The following RANBP17 variants were observed in gnomAD, a reference collection of about 807,000 sequenced individuals.
RANBP17 encodes the protein RAN binding protein 17, also known as ran-binding protein 17.
Under a neutral mutation model 141.2 loss-of-function variants are expected in RANBP17, and 158 were observed. The observed-to-expected ratio is 1.12, with a 90% CI of 0.98 to 1.28. RANBP17 has a LOEUF of 1.28. Ranked by LOEUF, RANBP17 falls within the 50% of genes most tolerant of loss-of-function variation. The probability of loss-of-function intolerance (pLI) is 0.00; values close to 1 mark genes in which losing one functional copy is unlikely to be tolerated. For synonymous variants in RANBP17, 430 were observed against 450.0 expected (o/e 0.96, Z 0.56); for missense variants, 1,438 against 1,290.7 (o/e 1.11, Z -1.75).
chr5:171,119,179 T>A (rs955929083), intron 14 of RANBP17, among the ~76,000 whole-genome samples: 3 of 152,216 alleles, frequency 2.0e-5, no homozygotes, highest in African/African-American at 7.2e-5. Flanking sequence ...ACATATCTCA[T>A]TTGTTGATTT....
intron 14 of RANBP17, among the ~76,000 whole-genome samples, chr5:170,998,056 C>G (rs4868054): frequency 0.62 from 94,003 of 150,814 alleles, 30,357 homozygotes; most frequent in South Asian, 0.88. Context: ...TTGAGACCAG[C>G]CTGGCTAACA....
chr5:170,871,602 A>G (rs1223243599), intron 1 of RANBP17, among the ~76,000 whole-genome samples: 3 of 152,276 alleles, frequency 2.0e-5, no homozygotes, highest in South Asian at 2.1e-4. Context: ...GCCCATGCCT[A>G]TGTTCTGAAT....
At chr5:170,935,676 G>A (rs191558920) in intron 12 of RANBP17, among the ~76,000 whole-genome samples, 12 of 152,176 alleles carry the variant, frequency 7.9e-5, no homozygotes, top group East Asian at 3.9e-4. Context: ...GAGGGGCACC[G>A]GGCCTTATGA....
At chr5:170,862,231 C>T (rs1306267512) in intron 1 of RANBP17, among the ~76,000 whole-genome samples, 180 bp downstream of exon 1, 7 of 152,186 alleles carry the variant, frequency 4.6e-5, no homozygotes, top group Non-Finnish European at 1.0e-4. Flanking sequence ...CTGGGCTGCA[C>T]ACCCCAGGCC....
chr5:171,069,195 T>C (rs1016423771), intron 14 of RANBP17, among the ~76,000 whole-genome samples: 1 of 152,170 alleles, frequency 6.6e-6, no homozygotes, highest in Admixed American at 6.6e-5. Flanking sequence ...TGCTGGCCAG[T>C]CATTGAACCA....
chr5:171,268,326 T>A (rs1366712057), intron 25 of RANBP17, among the ~76,000 whole-genome samples: 1 of 152,108 alleles, frequency 6.6e-6, no homozygotes, highest in East Asian at 1.9e-4. Context: ...GAAAAATGGA[T>A]ATCAGCATCC....
chr5:171,250,793 G>A (rs1765508107), intron 24 of RANBP17, among the ~76,000 whole-genome samples: 1 of 152,124 alleles, frequency 6.6e-6, no homozygotes, highest in Non-Finnish European at 1.5e-5. Flanking sequence ...AGAGACTATA[G>A]CAGTTCTAAA....
At chr5:170,962,731 A>G (rs1036478929) in intron 13 of RANBP17, among the ~76,000 whole-genome samples, 13 of 152,208 alleles carry the variant, frequency 8.5e-5, no homozygotes, top group African/African-American at 3.1e-4. Flanking sequence ...TAATAATCTA[A>G]TTCTTAAATC....
Position 170,953,611 on chromosome 5 carries a change from C to T in RANBP17, c.1483C>T (p.Leu495=), listed in dbSNP as rs1306449641. 6.2e-7 allele frequency: 1 copy of T among 1,608,210 alleles called. No individual in the cohort carries two copies. Among genetic ancestry groups the T allele is most frequent in the African/African-American group, 1.3e-5 (1 of 74,760 alleles). ...ITIQEGRLAW[L]VYLVGTVVGG... ...TTCTATATTAGGACGTCTTGCATGGCTGGTATACTTAGTTGGGACAGTTGT... is the reference window on the plus strand; with the variant it reads ...TTCTATATTAGGACGTCTTGCATGGTTGGTATACTTAGTTGGGACAGTTGT... Residue 495 remains leucine (L), a synonymous_variant, in exon 13 of 28, where the codon CTG becomes TTG. Transcript: ENST00000523189.
chr5:171,009,562 C>T (rs1164829269), intron 14 of RANBP17, among the ~76,000 whole-genome samples: 5 of 152,126 alleles, frequency 3.3e-5, no homozygotes, highest in Non-Finnish European at 7.4e-5. Flanking sequence ...AGGGTAAATT[C>T]TAAACTAGGT....
intron 14 of RANBP17, among the ~76,000 whole-genome samples, chr5:171,163,575 G>A (rs1302092839): frequency 6.6e-6 from 1 of 152,136 alleles, no homozygotes; most frequent in Admixed American, 6.5e-5. Context: ...CTTATTCATA[G>A]TAAGTGATTT....
intron 3 of RANBP17, among the ~76,000 whole-genome samples, chr5:170,886,754 C>G (rs1769198260): frequency 6.8e-6 from 1 of 146,422 alleles, no homozygotes; most frequent in Non-Finnish European, 1.5e-5. Flanking sequence ...GCCTCCCGGG[C>G]TCAAGTAGTG....
rs59202388 is a variant in RANBP17 at position 171,147,339 on chromosome 5, T to TTGTGTGTGTGTGTGTG, written c.1711-22764_1711-22749dup. Among the ~76,000 whole-genome samples the TTGTGTGTGTGTGTGTG allele has an allele frequency of 3.7e-3, 383 of 104,826 alleles. 3 individuals carry two copies. Among genetic ancestry groups the TTGTGTGTGTGTGTGTG allele is most frequent in the East Asian group, 9.7e-3 (28 of 2,892 alleles). The allele number at this position is 104,826 out of a possible 152,430, so 68.8% of individuals were successfully genotyped here. On this transcript the variant is annotated intron_variant, in intron 14 of 27. Transcript: ENST00000523189. ...ATGTAATCATCTTTTCTTGGTTGTTTTGTGTGTGTGTGTGTGTGTGTGTGT... is the reference window on the plus strand; with the variant it reads ...ATGTAATCATCTTTTCTTGGTTGTTTTGTGTGTGTGTGTGTGTGTGTGTGTGTGTGTGTGTGTGTGT...
At chr5:170,955,749 T>A in intron 13 of RANBP17, among the ~76,000 whole-genome samples, 1 of 142,572 alleles carries the variant, frequency 7.0e-6, no homozygotes, top group East Asian at 2.1e-4. Context: ...AAGATATAAT[T>A]AAAAATAATT....
intron 13 of RANBP17, among the ~76,000 whole-genome samples, chr5:170,963,345 G>T (rs1173486642): frequency 6.6e-6 from 1 of 152,082 alleles, no homozygotes; most frequent in African/African-American, 2.4e-5. Context: ...TATCATAGAG[G>T]TAAATGTAGA....
chr5:170,937,296 T>G (rs1427648830), intron 12 of RANBP17, among the ~76,000 whole-genome samples: 1 of 152,208 alleles, frequency 6.6e-6, no homozygotes, highest in Non-Finnish European at 1.5e-5. Flanking sequence ...TCAGACAGGT[T>G]TCTGTCTTGT....
chr5:171,278,077 C>G (rs923258695), intron 25 of RANBP17, among the ~76,000 whole-genome samples: 1 of 148,206 alleles, frequency 6.7e-6, no homozygotes, highest in Non-Finnish European at 1.5e-5. Flanking sequence ...ATGCTGGTTG[C>G]CAGGCACAGT....
At position 171,063,759 on chromosome 5, in the gene RANBP17, C is replaced by T. The variant is rs1448395630; in HGVS notation, c.1710+95382C>T. Among the ~76,000 whole-genome samples, 3 of 152,298 alleles carry T rather than the reference C, an allele frequency of 2.0e-5. No individual in the cohort carries two copies. The South Asian group carries it at 6.2e-4, about 32-fold the overall frequency. On this transcript the variant is annotated intron_variant, in intron 14 of 27. Transcript: ENST00000523189. ...TCTTTTTGTTTGTCTGTGCCCTGCCCCCAGAGGTGGAGCCTACAGAGGCAG... is the reference window on the plus strand; with the variant it reads ...TCTTTTTGTTTGTCTGTGCCCTGCCTCCAGAGGTGGAGCCTACAGAGGCAG...
chr5:171,063,800 C>T (rs929429714), intron 14 of RANBP17, among the ~76,000 whole-genome samples: 3 of 152,224 alleles, frequency 2.0e-5, no homozygotes, highest in African/African-American at 7.2e-5. Flanking sequence ...CTTCCTTGAG[C>T]TGTGGTGGGC....
Sources: gnomAD v4.1 joint callset for allele counts (sites outside exome capture counted in the v4.1 genomes callset) on GRCh38, gnomAD v4.1.1 for gene constraint, MANE v1.5 for transcripts, NCBI Gene and HGNC (gene_info 2026-07-23, HGNC 2026-07-21) for gene names.